ZFP2: variants seen among roughly 807,000 people sequenced by gnomAD.
ZFP2 encodes zinc finger protein ZFP2.
Under a neutral mutation model 36.1 loss-of-function variants are expected in ZFP2, and 33 were observed. The ratio of observed to expected loss-of-function variants is 0.92; its 90% CI spans 0.69 to 1.22. The LOEUF (loss-of-function observed/expected upper bound fraction) is 1.22. ZFP2 is among the 50% of genes most tolerant of loss of function. ZFP2 has a pLI of 0.00. For missense variants in ZFP2, 522 were observed against 551.4 expected, an observed-to-expected ratio of 0.95 and a Z score of 0.53; for synonymous variants, 170 against 178.0, an observed-to-expected ratio of 0.96 and a Z score of 0.36.
In ZFP2 at chr5:178,931,190, T is replaced by C. The variant is rs974673525; in HGVS notation, c.-77-47T>C. The C allele has an allele frequency of 1.4e-5, 21 of 1,475,934 alleles. No homozygotes were observed. The African/African-American group carries it at 2.8e-4, about 20-fold the overall frequency. 91.4% of individuals were successfully genotyped at this position (1,475,934 alleles called of 1,614,324 possible). A position where few individuals can be genotyped will look rare whatever the true frequency, so the allele number is the denominator to read the frequency against. The stretch of plus-strand genomic sequence containing the variant: ...TTCCTACCTTATGCAGTTTCCAGTC[T>C]CCTAGCACAGAAACCAATGTGCATT... On this transcript the variant is annotated intron_variant, in intron 4 of 4. Coordinates refer to ENST00000361362, the MANE Select transcript of ZFP2 (RefSeq NM_030613.4).
chr5:178,924,862 T>A (rs1035877277), intron 4 of ZFP2, among the ~76,000 whole-genome samples: 3 of 147,396 alleles, frequency 2.0e-5, no homozygotes, highest in African/African-American at 4.9e-5. Flanking sequence ...ATAATAATAA[T>A]AATAATAAGG....
At chr5:178,921,883 G>A (rs1321275358) in intron 4 of ZFP2, among the ~76,000 whole-genome samples, 2 of 149,338 alleles carry the variant, frequency 1.3e-5, no homozygotes, top group East Asian at 3.9e-4. Context: ...AGACATGGTG[G>A]AATAGGCCTA....
chr5:178,930,314 C>CTTTTTTTTTTTTTTTTTTTTTTTTTT (rs990713790), intron 4 of ZFP2, among the ~76,000 whole-genome samples: 9 of 71,370 alleles, frequency 1.3e-4, no homozygotes, highest in Middle Eastern at 0.015. Context: ...TTTCCCTTTC[C>CTTTTTTTTTTTTTTTTTTTTTTTTTT]TTTTTTTTTT....
At chr5:178,899,835 C>T (rs904236267) in intron 1 of ZFP2, among the ~76,000 whole-genome samples, 5 of 151,658 alleles carry the variant, frequency 3.3e-5, no homozygotes, top group East Asian at 3.9e-4. Context: ...GAAGACTTAA[C>T]GGCATTTTCT....
chr5:178,896,541 G>A (rs1757945435), intron 1 of ZFP2, among the ~76,000 whole-genome samples: 1 of 152,188 alleles, frequency 6.6e-6, no homozygotes, highest in Non-Finnish European at 1.5e-5. Flanking sequence ...GCTGGCGTGG[G>A]CTCCCCTCCC....
chr5:178,906,661 T>C (rs920491082), intron 1 of ZFP2, among the ~76,000 whole-genome samples: 1 of 151,992 alleles, frequency 6.6e-6, no homozygotes, highest in African/African-American at 2.4e-5. Context: ...GTTCAAGTGA[T>C]TTTCCAGCCT....
intron 4 of ZFP2, among the ~76,000 whole-genome samples, chr5:178,917,914 GGC>G (rs1758474620): frequency 6.6e-6 from 1 of 152,210 alleles, no homozygotes; most frequent in Non-Finnish European, 1.5e-5. Flanking sequence ...CCTTAGCACT[GGC>G]TGTTACCCTG....
In ZFP2 at chr5:178,931,961, T is replaced by C. The variant is rs772859539; in HGVS notation, c.648T>C (p.Cys216=). 1.6e-5 allele frequency: 26 copies of C among 1,613,872 alleles called. 2 individuals carry two copies. The Middle Eastern group carries it at 9.9e-4, about 61-fold the overall frequency. The change falls in exon 5 of 5, where the codon TGT becomes TGC. Residue 216 remains cysteine, a synonymous_variant. Coordinates refer to ENST00000361362, the MANE Select transcript of ZFP2 (RefSeq NM_030613.4). ...RIHTGEKPYK[C]NECGKAFTQS... ...ATACTGGAGAGAAACCCTACAAATG[T>C]AATGAATGTGGTAAAGCTTTTACCC... is the stretch of plus-strand genomic sequence containing the variant.
Position 178,922,719 on chromosome 5 carries a change from T to G in ZFP2, c.-78+6009T>G, listed in dbSNP as rs532503097. The G allele has an allele frequency of 3.3e-5, 52 of 1,574,688 alleles. 1 individual carries two copies. In the African/African-American group the frequency reaches 5.2e-4, roughly 16 times the overall value. On this transcript the variant is annotated intron_variant, in intron 4 of 4. Transcript: ENST00000361362. ...AAAGCAACTTACATACAAGAACAAT[T>G]AACTGGAGCAAAGGGAGATATTTCT... is the stretch of plus-strand genomic sequence containing the variant.
Position 178,931,686 on chromosome 5 carries a change from AC to A in ZFP2, c.374del (p.Thr125MetfsTer47). Reference sequence around the variant, plus strand: ...CCTTCTTAAGCACCAGAGGATTCATACTGGGGAGAAACCCTATAAGTGTAAT... The same window carrying A: ...CCTTCTTAAGCACCAGAGGATTCATATGGGGAGAAACCCTATAAGTGTAAT... Reference protein sequence around the residue: ...SSLLKHQRIHTGEKPYKCNVC... With the variant: ...SSLLKHQRIHXGEKPYKCNVC... On this transcript the variant is annotated frameshift_variant, in exon 5 of 5. Coordinates refer to ENST00000361362, the MANE Select transcript of ZFP2 (RefSeq NM_030613.4). LOFTEE classifies it high-confidence loss of function. 6.2e-7 allele frequency: 1 copy of A among 1,614,196 alleles called. No individual in the cohort carries two copies. The highest frequency in any genetic ancestry group is 8.5e-7 in the Non-Finnish European group (1 of 1,180,030).
chr5:178,928,040 G>T (rs1169020067), intron 4 of ZFP2, among the ~76,000 whole-genome samples: 1 of 151,698 alleles, frequency 6.6e-6, no homozygotes, highest in Non-Finnish European at 1.5e-5. Flanking sequence ...CTTTTAAGTG[G>T]CCAGATCTCA....
At chr5:178,911,468 TCTCCTCTCCTTCCTC>T (rs2113080913) in intron 1 of ZFP2, among the ~76,000 whole-genome samples, 1 of 152,186 alleles carries the variant, frequency 6.6e-6, no homozygotes, top group South Asian at 2.1e-4. Flanking sequence ...AAGACCAACC[TCTCCTCTCCTTCCTC>T]CTCCTCTGCC....
chr5:178,910,139 TC>T, intron 1 of ZFP2: 1 of 1,452,446 alleles, frequency 6.9e-7, no homozygotes, highest in Non-Finnish European at 9.7e-7. Flanking sequence ...GTGCACAGAT[TC>T]TGTCACTGCT....
chr5:178,931,491 A>G lies in ZFP2; in HGVS notation c.178A>G (p.Ile60Val). 3 of 1,614,174 alleles carry G rather than the reference A, an allele frequency of 1.9e-6. No individual in the cohort carries two copies. Among genetic ancestry groups the G allele is most frequent in the Admixed American group, 1.7e-5 (1 of 60,030 alleles). Residue 60 changes from isoleucine (I) to valine (V), a missense_variant, in exon 5 of 5, where the codon ATC becomes GTC. Coordinates refer to ENST00000361362, the MANE Select transcript of ZFP2 (RefSeq NM_030613.4). ...TGAAAGATGTTCCAGTCAGGATTCAATCCTTGATACACAGCAAAGCATTCC... is the reference window on the plus strand; with the variant it reads ...TGAAAGATGTTCCAGTCAGGATTCAGTCCTTGATACACAGCAAAGCATTCC... The part of the protein sequence containing the change: ...EFERCSSQDS[I>V]LDTQQSIPMV...
At chr5:178,896,154 A>G (rs1757931055) in intron 1 of ZFP2, among the ~76,000 whole-genome samples, 180 bp downstream of exon 1, 1 of 152,168 alleles carries the variant, frequency 6.6e-6, no homozygotes, top group Non-Finnish European at 1.5e-5. Flanking sequence ...CTCCGGCTCC[A>G]GGTGCGCTCC....
At chr5:178,909,747 C>T in intron 1 of ZFP2, 1 of 1,557,002 alleles carries the variant, frequency 6.4e-7, no homozygotes, top group Non-Finnish European at 8.7e-7. Context: ...GGGCCTTGAG[C>T]TGAGTGCACC....
At chr5:178,901,349 C>T (rs1340570705) in intron 1 of ZFP2, among the ~76,000 whole-genome samples, 6 of 152,194 alleles carry the variant, frequency 3.9e-5, no homozygotes, top group Admixed American at 3.9e-4. Flanking sequence ...AATAAAGTGC[C>T]ACAAATTGAG....
intron 1 of ZFP2, among the ~76,000 whole-genome samples, chr5:178,902,262 G>C (rs1758074004): frequency 6.6e-6 from 1 of 152,146 alleles, no homozygotes; most frequent in South Asian, 2.1e-4. Context: ...ATAAATTACA[G>C]ACATGCCCAT....
chr5:178,931,176 T>C (rs1435946719), intron 4 of ZFP2, 61 bp from the exon 5 acceptor site: 25 of 1,444,726 alleles, frequency 1.7e-5, no homozygotes, highest in Non-Finnish European at 2.0e-5. Flanking sequence ...TCCTACCTTA[T>C]GCAGTTTCCA....
Sources: gnomAD v4.1 joint callset for allele counts (sites outside exome capture counted in the v4.1 genomes callset) on GRCh38, gnomAD v4.1.1 for gene constraint, MANE v1.5 for transcripts, NCBI Gene and HGNC (gene_info 2026-07-23, HGNC 2026-07-21) for gene names.